Variants in USP24 observed in about 807,000 individuals in gnomAD.
USP24 encodes ubiquitin specific peptidase 24.
A neutral mutation model predicts 361.6 loss-of-function variants in USP24; 97 were observed. The observed-to-expected ratio is 0.27, with a 90% CI of 0.23 to 0.32. The LOEUF (loss-of-function observed/expected upper bound fraction) is 0.32, where lower values mean the gene tolerates loss of function less well. USP24 is among the 10% of genes least tolerant of loss of function. The pLI is 1.00. For synonymous variants in USP24, 1,098 were observed against 1,124.6 expected, an observed-to-expected ratio of 0.98 and a Z score of 0.47; for missense variants, 2,353 against 3,165.6, an observed-to-expected ratio of 0.74 and a Z score of 6.16.
chr1:55,093,310 T>C (rs970498289), intron 52 of USP24, among the ~76,000 whole-genome samples: 2 of 152,266 alleles, frequency 1.3e-5, no homozygotes, highest in Non-Finnish European at 2.9e-5. Flanking sequence ...GATATTTTTC[T>C]CAAATTCTCT....
intron 16 of USP24, among the ~76,000 whole-genome samples, chr1:55,149,479 T>C (rs1647131863): frequency 3.3e-5 from 5 of 152,192 alleles, no homozygotes; most frequent in South Asian, 2.1e-4. Context: ...ACTTTTGTTG[T>C]CTTTGTAGAG....
intron 1 of USP24, among the ~76,000 whole-genome samples, chr1:55,195,129 G>A (rs990440705): frequency 1.4e-4 from 21 of 152,128 alleles, no homozygotes; most frequent in African/African-American, 5.1e-4. Flanking sequence ...CTGCCTAAAG[G>A]TGCCTAGAAA....
chr1:55,181,672 C>A (rs1318393029), intron 1 of USP24, among the ~76,000 whole-genome samples: 1 of 152,038 alleles, frequency 6.6e-6, no homozygotes, highest in Non-Finnish European at 1.5e-5. Flanking sequence ...GTTAATATAT[C>A]AAATCATACA....
intron 67 of USP24, 116 bp from the exon 68 acceptor site, chr1:55,069,223 C>T (rs1644870284): frequency 1.1e-6 from 1 of 939,318 alleles, no homozygotes. Context: ...CAATGTTTAT[C>T]AAAGGGTAAT....
At position 55,071,809 on chromosome 1, in the gene USP24, T is replaced by G. The variant is rs1471424459; in HGVS notation, c.7800+5A>C. 1 of 1,610,528 alleles carries G rather than the reference T, an allele frequency of 6.2e-7. No homozygotes were observed. Among genetic ancestry groups the G allele is most frequent in the Admixed American group, 1.7e-5 (1 of 59,656 alleles). Reference sequence around the variant, plus strand: ...TTGCACACAAGGACATGCTGACCGTTATACCTGCTGTAGATGCCTGTCTCC... The same window carrying G: ...TTGCACACAAGGACATGCTGACCGTGATACCTGCTGTAGATGCCTGTCTCC... On this transcript the variant is annotated splice_donor_5th_base_variant and intron_variant, in intron 67 of 67. Transcript: ENST00000294383.
rs1570364624 is a variant in USP24, at chr1:55,085,692, T to G, written c.6765+250A>C. Among the ~76,000 whole-genome samples, 3 of 152,152 alleles carry G rather than the reference T, an allele frequency of 2.0e-5. No homozygotes were observed. In the South Asian group the frequency reaches 6.2e-4, roughly 32 times the overall value. On this transcript the variant is annotated intron_variant, in intron 56 of 67. Transcript: ENST00000294383. ...TTGAGAAAGGACTCTGAAAAGGGAG[T>G]GTTTCTAGAGAGAAAATCCCAACGC...
At chr1:55,141,383 G>C (rs921844366) in intron 24 of USP24, among the ~76,000 whole-genome samples, 1 of 152,100 alleles carries the variant, frequency 6.6e-6, no homozygotes, top group Non-Finnish European at 1.5e-5. Context: ...AGAAGGATAG[G>C]GACAGGGAAG....
intron 7 of USP24, among the ~76,000 whole-genome samples, chr1:55,163,073 T>C (rs1469366662): frequency 1.3e-5 from 2 of 151,992 alleles, no homozygotes; most frequent in African/African-American, 4.8e-5. Flanking sequence ...CTAACAACAA[T>C]TGGCTACCTA....
At chr1:55,121,023 AAG>A (rs1359663613) in intron 37 of USP24, among the ~76,000 whole-genome samples, 1 of 152,218 alleles carries the variant, frequency 6.6e-6, no homozygotes, top group Non-Finnish European at 1.5e-5. Context: ...AATAAGAAAA[AAG>A]AAAGTTTAAG....
intron 67 of USP24, among the ~76,000 whole-genome samples, chr1:55,070,130 G>A (rs1486156609): frequency 6.6e-6 from 1 of 152,058 alleles, no homozygotes; most frequent in African/African-American, 2.4e-5. Context: ...GATGACATGG[G>A]GGTGCTGTGT....
At chr1:55,099,655 T>C in intron 45 of USP24, 116 bp downstream of exon 45, 1 of 716,834 alleles carries the variant, frequency 1.4e-6, no homozygotes, top group East Asian at 2.7e-5. Flanking sequence ...GTTCTTATGT[T>C]AAAGATAATC....
At chr1:55,111,839 A>G (rs1303511240) in intron 38 of USP24, among the ~76,000 whole-genome samples, 1 of 152,120 alleles carries the variant, frequency 6.6e-6, no homozygotes, top group East Asian at 1.9e-4. Context: ...TTAAAACAGA[A>G]GGTTAAATGT....
intron 1 of USP24, among the ~76,000 whole-genome samples, chr1:55,182,789 A>G (rs919774636): frequency 2.0e-5 from 3 of 152,146 alleles, no homozygotes; most frequent in Non-Finnish European, 4.4e-5. Context: ...ATCTTGGCTC[A>G]CTGCAGCCTC....
In USP24 at chr1:55,141,809, G is replaced by A. The variant is rs1646896934; in HGVS notation, c.2635-78C>T. The A allele has an allele frequency of 5.1e-6, 7 of 1,367,596 alleles. No homozygotes were observed. In the South Asian group the frequency reaches 8.8e-5, roughly 17 times the overall value. The allele number at this position is 1,367,596 out of a possible 1,614,324, so 84.7% of individuals were successfully genotyped here. On this transcript the variant is annotated intron_variant, in intron 23 of 67. Transcript: ENST00000294383. The stretch of plus-strand genomic sequence containing the variant: ...AGTGACATTCTGGACAGGATAATTT[G>A]CTGTTGCAGAGGGCTGTCCTGGGCA...
At chr1:55,085,486 T>C (rs1645231808) in intron 56 of USP24, among the ~76,000 whole-genome samples, 1 of 152,246 alleles carries the variant, frequency 6.6e-6, no homozygotes, top group Non-Finnish European at 1.5e-5. Context: ...GCTGTACCTG[T>C]AAGGACTTAA....
Position 55,159,704 on chromosome 1 carries a change from A to T in USP24, c.994-19T>A, listed in dbSNP as rs1410494545. 6.5e-7 allele frequency: 1 copy of T among 1,547,568 alleles called. No homozygotes were observed. The highest frequency in any genetic ancestry group is 8.7e-7 in the Non-Finnish European group (1 of 1,142,962). On this transcript the variant is annotated intron_variant, in intron 8 of 67. Coordinates refer to ENST00000294383, the MANE Select transcript of USP24 (RefSeq NM_015306.3). ...GCATGGGCTGTAGAAATAAAATGCT[A>T]CAGTTAAGAACTCCCGAAGCTGTCC...
At chr1:55,072,431 A>C (rs1277024986) in intron 65 of USP24, 28 bp from the exon 66 acceptor site, 1 of 1,586,572 alleles carries the variant, frequency 6.3e-7, no homozygotes, top group Admixed American at 1.7e-5. Flanking sequence ...AAATGCCATC[A>C]GAGGTGACAA....
At chr1:55,072,542 G>A (rs1003768274) in intron 65 of USP24, 139 bp from the exon 66 acceptor site, 19 of 773,916 alleles carry the variant, frequency 2.5e-5, no homozygotes, top group Non-Finnish European at 3.9e-5. Context: ...CACATAAAGC[G>A]ATTCAAGACC....
In USP24 at chr1:55,137,552, C is replaced by T; in HGVS notation, c.3164G>A (p.Ser1055Asn). The change falls in exon 28 of 68, where the codon AGC becomes AAC. Residue 1055 changes from serine (S) to asparagine (N), a missense_variant. Coordinates refer to ENST00000294383, the MANE Select transcript of USP24 (RefSeq NM_015306.3). ...ADSSTSSSSS[S>N]SGVFSSSYAM... ...ATATGAAGAACTAAAAACCCCACTG[C>T]TGCTGCTGCTGGAGCTGGTTGAAGA... 1 of 1,613,346 alleles carries T rather than the reference C, an allele frequency of 6.2e-7. No homozygotes were observed. Among genetic ancestry groups the T allele is most frequent in the Non-Finnish European group, 8.5e-7 (1 of 1,179,624 alleles).
Sources: gnomAD v4.1 joint callset for allele counts (sites outside exome capture counted in the v4.1 genomes callset) on GRCh38, gnomAD v4.1.1 for gene constraint, MANE v1.5 for transcripts, NCBI Gene and HGNC (gene_info 2026-07-23, HGNC 2026-07-21) for gene names.